Variants in GABRB2 observed in about 807,000 individuals in gnomAD.
The protein encoded by GABRB2 is gamma-aminobutyric acid type A receptor subunit beta2.
Under a neutral mutation model 54.7 loss-of-function variants are expected in GABRB2, and 16 were observed. The observed-to-expected ratio is 0.29, with a 90% confidence interval of 0.20 to 0.44. The LOEUF (loss-of-function observed/expected upper bound fraction) is 0.44. Ranked by LOEUF, GABRB2 falls within the 20% of genes least tolerant of loss-of-function variation. The pLI is 1.00. For missense variants in GABRB2, 355 were observed against 644.0 expected (o/e 0.55, Z 4.86); for synonymous variants, 244 against 233.8 (o/e 1.04, Z -0.40).
chr5:161,370,985 T>C (rs1755114680), intron 5 of GABRB2, among the ~76,000 whole-genome samples: 1 of 152,210 alleles, frequency 6.6e-6, no homozygotes, highest in African/African-American at 2.4e-5. Flanking sequence ...TGTAGCAGTA[T>C]GTTAGTATTA....
chr5:161,315,281 A>G (rs1350221191), intron 9 of GABRB2, among the ~76,000 whole-genome samples: 1 of 152,204 alleles, frequency 6.6e-6, no homozygotes, highest in East Asian at 1.9e-4. Flanking sequence ...AAAGAAAATT[A>G]GTCATAGTTA....
chr5:161,377,840 C>T (rs938714159), intron 5 of GABRB2, among the ~76,000 whole-genome samples: 101 of 152,040 alleles, frequency 6.6e-4, no homozygotes, highest in African/African-American at 2.3e-3. Context: ...ATAAAAAACA[C>T]ACAGTGTCTA....
intron 3 of GABRB2, among the ~76,000 whole-genome samples, chr5:161,517,010 T>C (rs1361674599): frequency 6.6e-6 from 1 of 152,168 alleles, no homozygotes; most frequent in Non-Finnish European, 1.5e-5. Flanking sequence ...CATGAGCCAA[T>C]TTGTCAGAGA....
chr5:161,316,813 C>T (rs764281284), intron 9 of GABRB2, among the ~76,000 whole-genome samples: 6 of 152,034 alleles, frequency 3.9e-5, no homozygotes, highest in Non-Finnish European at 8.8e-5. Flanking sequence ...TGTTTCACCA[C>T]GTTGTCCAGG....
Position 161,459,614 on chromosome 5 carries a change from G to A in GABRB2, c.458+10C>T. The A allele has an allele frequency of 1.9e-6, 3 of 1,607,680 alleles. No individual in the cohort carries two copies. Among genetic ancestry groups the A allele is most frequent in the Middle Eastern group, 1.7e-4 (1 of 6,048 alleles). On this transcript the variant is annotated intron_variant, in intron 4 of 9. Transcript: ENST00000393959. ...AGGAAAAGTTATATTTTGAATTGGG[G>A]ACAACAGACCTGAGTCCATAAAGGA...
intron 4 of GABRB2, among the ~76,000 whole-genome samples, chr5:161,423,797 A>G (rs950531684): frequency 6.6e-6 from 1 of 152,186 alleles, no homozygotes; most frequent in Non-Finnish European, 1.5e-5. Flanking sequence ...AGAAAGGCTG[A>G]AAACTAGGCC....
chr5:161,446,055 C>T (rs1038239971), intron 4 of GABRB2, among the ~76,000 whole-genome samples: 2 of 152,136 alleles, frequency 1.3e-5, no homozygotes, highest in Non-Finnish European at 2.9e-5. Flanking sequence ...CCTCCAGTAA[C>T]TCTTTATCAT....
intron 4 of GABRB2, among the ~76,000 whole-genome samples, chr5:161,452,445 A>T (rs1757815992): frequency 6.6e-6 from 1 of 152,214 alleles, no homozygotes; most frequent in Admixed American, 6.5e-5. Flanking sequence ...TAGTTTTTGA[A>T]ACCCAATAAA....
rs2113333414 is a variant in GABRB2 at position 161,294,224 on chromosome 5, G to A, written c.1396C>T (p.Arg466Cys). Reference protein sequence around the residue: ...LERHVAQKKSRLRRRASQLKI... With the variant: ...LERHVAQKKSCLRRRASQLKI... Reference sequence around the variant, plus strand: ...AGTTGGGAGGCGCGTCTCCTCAGGCGACTTTTCTTTTGCGCCACATGTCGT... The same window carrying A: ...AGTTGGGAGGCGCGTCTCCTCAGGCAACTTTTCTTTTGCGCCACATGTCGT... The change falls in exon 10 of 10, where the codon CGC (arginine) becomes TGC (cysteine). Residue 466 changes from arginine to cysteine, a missense_variant. Arg to Cys is a radical substitution (Grantham distance 180, BLOSUM62 -3). Around this residue, in one of 6 missense-constraint regions of GABRB2, gnomAD observed 201 missense variants for 228.1 expected, o/e 0.88. Coordinates refer to ENST00000393959, the MANE Select transcript of GABRB2 (RefSeq NM_001371727.1). The A allele has an allele frequency of 1.9e-6, 3 of 1,614,114 alleles. No individual in the cohort carries two copies. Among genetic ancestry groups the A allele is most frequent in the Non-Finnish European group, 2.5e-6 (3 of 1,180,008 alleles).
intron 3 of GABRB2, among the ~76,000 whole-genome samples, chr5:161,498,944 C>T (rs758014880): frequency 1.3e-5 from 2 of 152,158 alleles, no homozygotes; most frequent in Admixed American, 6.5e-5. Context: ...GTCACAGCTA[C>T]GCTTGATGCT....
chr5:161,439,873 G>A (rs1421569687), intron 4 of GABRB2, among the ~76,000 whole-genome samples: 2 of 151,886 alleles, frequency 1.3e-5, no homozygotes, highest in East Asian at 3.9e-4. Flanking sequence ...TGGATGCTGG[G>A]CTTAATACCT....
intron 4 of GABRB2, among the ~76,000 whole-genome samples, chr5:161,435,295 C>T (rs1487246007): frequency 6.6e-6 from 1 of 151,902 alleles, no homozygotes; most frequent in Non-Finnish European, 1.5e-5. Context: ...GAATTATACA[C>T]AAATATGGTA....
At chr5:161,487,355 G>A (rs1170451582) in intron 3 of GABRB2, among the ~76,000 whole-genome samples, 6 of 151,860 alleles carry the variant, frequency 4.0e-5, no homozygotes, top group Non-Finnish European at 7.4e-5. Context: ...CAGGTAATAA[G>A]AGAGATTTGA....
intron 5 of GABRB2, among the ~76,000 whole-genome samples, chr5:161,392,955 T>C (rs1755874910): frequency 6.6e-6 from 1 of 152,046 alleles, no homozygotes; most frequent in African/African-American, 2.4e-5. Context: ...AGATAAAAGG[T>C]ATGTAATATA....
At chr5:161,332,032 G>T (rs1430481736) in intron 7 of GABRB2, among the ~76,000 whole-genome samples, 1 of 151,916 alleles carries the variant, frequency 6.6e-6, no homozygotes, top group Non-Finnish European at 1.5e-5. Flanking sequence ...CGGGCGTGAT[G>T]GCGGGCGCCT....
chr5:161,541,718 G>C (rs1408896584), intron 3 of GABRB2, among the ~76,000 whole-genome samples: 1 of 152,192 alleles, frequency 6.6e-6, no homozygotes, highest in Non-Finnish European at 1.5e-5. Flanking sequence ...ATCTGGCTTT[G>C]TCTCTAAGGG....
chr5:161,493,163 G>A (rs753131912), intron 3 of GABRB2, among the ~76,000 whole-genome samples: 1 of 151,600 alleles, frequency 6.6e-6, no homozygotes, highest in South Asian at 2.1e-4. Context: ...AATAATATTT[G>A]AATGTCTTCC....
intron 4 of GABRB2, among the ~76,000 whole-genome samples, chr5:161,450,512 G>T (rs1162937063): frequency 6.6e-6 from 1 of 152,036 alleles, no homozygotes; most frequent in East Asian, 1.9e-4. Flanking sequence ...TGTTGGCTTG[G>T]ATTTAAATTG....
In GABRB2 at chr5:161,290,574, CAT is replaced by C. The variant is rs1757210478; in HGVS notation, c.*3505_*3506del. On this transcript the variant is annotated 3_prime_UTR_variant, in exon 10 of 10. Transcript: ENST00000393959. ...TACTGGTTTAATGAAGGAAATAAAA[CAT>C]ATTAGCTTATTCCTTTTGTTTTCCA... The C allele has an allele frequency of 6.6e-6, 1 of 152,468 alleles. No individual in the cohort carries two copies. Among genetic ancestry groups the C allele is most frequent in the Admixed American group, 6.6e-5 (1 of 15,230 alleles). The allele number at this position is 152,468 out of a possible 1,614,324, so 9.4% of individuals were successfully genotyped here. A position where few individuals can be genotyped will look rare whatever the true frequency, so the allele number is the denominator to read the frequency against.
Sources: allele counts gnomAD v4.1 joint callset (sites outside exome capture counted in the v4.1 genomes callset), GRCh38; gene constraint gnomAD v4.1.1; regional missense constraint gnomAD v4.1.1; transcripts MANE v1.5; gene names NCBI Gene and HGNC (gene_info 2026-07-23, HGNC 2026-07-21).